Variants in FNDC1 observed in about 807,000 individuals in gnomAD.
FNDC1 encodes the protein fibronectin type III domain-containing protein 1.
Under a neutral mutation model 168.0 loss-of-function variants are expected in FNDC1, and 96 were observed. That is an observed-to-expected ratio of 0.57 (90% CI 0.48 to 0.68). The LOEUF (loss-of-function observed/expected upper bound fraction) is 0.68, where lower values mean the gene tolerates loss of function less well. Among genes scored for constraint, FNDC1 ranks in the 30% least tolerant of loss-of-function variants. The pLI, the probability that FNDC1 is intolerant of heterozygous loss-of-function variation, is 0.00. For synonymous variants in FNDC1, 1,099 were observed against 1,025.9 expected, an observed-to-expected ratio of 1.07 and a Z score of -1.36; for missense variants, 2,587 against 2,482.1, an observed-to-expected ratio of 1.04 and a Z score of -0.90.
At chr6:159,230,120 C>A in intron 10 of FNDC1, 117 bp downstream of exon 10, 3 of 847,628 alleles carry the variant, frequency 3.5e-6, no homozygotes, top group Non-Finnish European at 5.1e-6. Context: ...TTTTTCCAGG[C>A]TAAGTTGCAT....
chr6:159,245,277 A>G (rs117864761), intron 14 of FNDC1, among the ~76,000 whole-genome samples: 1 of 152,314 alleles, frequency 6.6e-6, no homozygotes, highest in East Asian at 1.9e-4. Flanking sequence ...AGAAGTGGGT[A>G]TTTATAAGCT....
chr6:159,229,707 TTA>T (rs1316039782), intron 9 of FNDC1, 106 bp from the exon 10 acceptor site: 3 of 957,884 alleles, frequency 3.1e-6, no homozygotes, highest in Non-Finnish European at 4.6e-6. Context: ...TGCTAGTGTA[TTA>T]ATTTTAGTAA....
At chr6:159,248,678 T>C (rs755427123) in intron 15 of FNDC1, among the ~76,000 whole-genome samples, 2 of 152,230 alleles carry the variant, frequency 1.3e-5, no homozygotes, top group Non-Finnish European at 2.9e-5. Flanking sequence ...GGGAACATTA[T>C]GCAGGTAGAG....
chr6:159,269,595 CTG>C (rs1777697808), intron 22 of FNDC1, among the ~76,000 whole-genome samples: 2 of 79,592 alleles, frequency 2.5e-5, no homozygotes, highest in Non-Finnish European at 4.8e-5. Context: ...GTCTGTCTGT[CTG>C]TCTATCTATC....
chr6:159,240,765 C>G (rs770213655), intron 14 of FNDC1: 1 of 152,194 alleles, frequency 6.6e-6, no homozygotes, highest in African/African-American at 2.4e-5. Context: ...TCTGCTCAGT[C>G]CCCTGCTCAA....
intron 7 of FNDC1, among the ~76,000 whole-genome samples, chr6:159,225,058 G>A (rs1782922143): frequency 6.6e-6 from 1 of 152,088 alleles, no homozygotes; most frequent in Non-Finnish European, 1.5e-5. Context: ...CGTTCCTCCT[G>A]AACCTATGGA....
At chr6:159,199,631 T>A (rs989599136) in intron 2 of FNDC1, among the ~76,000 whole-genome samples, 4 of 152,226 alleles carry the variant, frequency 2.6e-5, no homozygotes, top group Admixed American at 1.3e-4. Context: ...TGACTGACAG[T>A]GTATGTTCAA....
In FNDC1 at chr6:159,233,200, C is replaced by T; in HGVS notation, c.2688C>T (p.Ser896=). The T allele has an allele frequency of 2.5e-6, 4 of 1,612,762 alleles. No individual in the cohort carries two copies. Among genetic ancestry groups the T allele is most frequent in the Non-Finnish European group, 3.4e-6 (4 of 1,179,482 alleles). The change falls in exon 11 of 23, where the codon TCC becomes TCT. Residue 896 remains serine, a synonymous_variant. Transcript: ENST00000297267. This position sits in a 1 kb window ranked among gnomAD's most constrained non-coding sequence, Gnocchi z 4.6. ...PATVVNDHVP[S]SSRQPISRGW... Reference sequence around the variant, plus strand: ...CCGTTGTCAATGACCACGTGCCTTCCTCCTCCAGGCAGCCCATCTCCCGGG... The same window carrying T: ...CCGTTGTCAATGACCACGTGCCTTCTTCCTCCAGGCAGCCCATCTCCCGGG...
At chr6:159,186,850 T>C (rs1782010950) in intron 1 of FNDC1, among the ~76,000 whole-genome samples, 1 of 152,220 alleles carries the variant, frequency 6.6e-6, no homozygotes, top group East Asian at 1.9e-4. Context: ...TTTGGCTTCT[T>C]TGAGATGATG....
At chr6:159,263,323 T>C (rs1295705809) in intron 19 of FNDC1, among the ~76,000 whole-genome samples, 2 of 152,144 alleles carry the variant, frequency 1.3e-5, no homozygotes, top group South Asian at 2.1e-4. Flanking sequence ...ATTTTGCAGG[T>C]TGATTTTGGC....
intron 1 of FNDC1, among the ~76,000 whole-genome samples, chr6:159,189,118 G>A (rs1782074162): frequency 6.6e-6 from 1 of 152,150 alleles, no homozygotes; most frequent in Admixed American, 6.5e-5. Flanking sequence ...ACTATGGATG[G>A]CAAAAACCCA....
chr6:159,217,948 A>C (rs1782739475), intron 5 of FNDC1, among the ~76,000 whole-genome samples: 1 of 152,124 alleles, frequency 6.6e-6, no homozygotes, highest in Non-Finnish European at 1.5e-5. Context: ...TATACCCTTC[A>C]GTCATTCCTT....
chr6:159,206,397 A>C (rs943033730), intron 4 of FNDC1, among the ~76,000 whole-genome samples: 5 of 152,248 alleles, frequency 3.3e-5, no homozygotes, highest in Admixed American at 1.3e-4. Flanking sequence ...ATGGCCTGGA[A>C]GGTGAGCTCC....
In FNDC1 at chr6:159,267,802, A is replaced by G; in HGVS notation, c.5447-2A>G. 6.2e-7 allele frequency: 1 copy of G among 1,613,772 alleles called. No individual in the cohort carries two copies. Among genetic ancestry groups the G allele is most frequent in the East Asian group, 2.2e-5 (1 of 44,870 alleles). On this transcript the variant is annotated splice_acceptor_variant, in intron 21 of 22. Transcript: ENST00000297267. LOFTEE classifies it high-confidence loss of function. ...ATGGACTCAATCAATTCCTTCATGC[A>G]GATACATTCTACAGCATTGGAGACA...
intron 4 of FNDC1, among the ~76,000 whole-genome samples, chr6:159,204,566 A>G (rs1562636165): frequency 1.3e-5 from 2 of 152,132 alleles, no homozygotes; most frequent in Admixed American, 1.3e-4. Context: ...TCCAGGTCCC[A>G]TCATTCCAAC....
chr6:159,256,513 C>G lies in FNDC1; in HGVS notation c.5066-10C>G. Reference sequence around the variant, plus strand: ...GGTGTCCATTGGGTTTTTCCTGTTTCCATTTTCAGGTTACTTGGTTTACAG... The same window carrying G: ...GGTGTCCATTGGGTTTTTCCTGTTTGCATTTTCAGGTTACTTGGTTTACAG... On this transcript the variant is annotated splice_polypyrimidine_tract_variant and intron_variant, in intron 17 of 22. Transcript: ENST00000297267. The G allele has an allele frequency of 1.2e-6, 2 of 1,604,920 alleles. No homozygotes were observed. Among genetic ancestry groups the G allele is most frequent in the Non-Finnish European group, 1.7e-6 (2 of 1,172,728 alleles).
In FNDC1 at chr6:159,251,190, G is replaced by A. The variant is rs200476288; in HGVS notation, c.4835-112G>A. On this transcript the variant is annotated intron_variant, in intron 16 of 22. Coordinates refer to ENST00000297267, the MANE Select transcript of FNDC1 (RefSeq NM_032532.3). ...TGGCATCAAGGCTGATGGAGCCTCCGTCCAGCAGGAAGAGACCGAATGGTG... is the reference window on the plus strand; with the variant it reads ...TGGCATCAAGGCTGATGGAGCCTCCATCCAGCAGGAAGAGACCGAATGGTG... 4.7e-4 allele frequency: 353 copies of A among 758,508 alleles called. 4 individuals are homozygous for A. Among genetic ancestry groups the A allele is most frequent in the East Asian group, 4.6e-3 (172 of 37,210 alleles). The allele number at this position is 758,508 out of a possible 1,614,324, so 47.0% of individuals were successfully genotyped here.
Position 159,233,608 on chromosome 6 carries a change from G to T in FNDC1, c.3096G>T (p.Arg1032Ser). 1 of 1,576,168 alleles carries T rather than the reference G, an allele frequency of 6.3e-7. No individual in the cohort carries two copies. The change falls in exon 11 of 23, where the codon AGG becomes AGT. Residue 1032 changes from arginine to serine, a missense_variant. By Grantham distance (110) the Arg-to-Ser change is moderately radical. Coordinates refer to ENST00000297267, the MANE Select transcript of FNDC1 (RefSeq NM_032532.3). The surrounding 1 kb of genome is among the most constrained non-coding windows in gnomAD (Gnocchi z 4.6). Reference sequence around the variant, plus strand: ...CGGGTCGGTCACCTTCCCAGCCCAGGCTCTCACTGACCCAGGCCGGGCGGC... The same window carrying T: ...CGGGTCGGTCACCTTCCCAGCCCAGTCTCTCACTGACCCAGGCCGGGCGGC... ...RDAGRSPSQP[R>S]LSLTQAGRPR...
At chr6:159,178,148 G>A (rs910051169) in intron 1 of FNDC1, among the ~76,000 whole-genome samples, 1 of 152,118 alleles carries the variant, frequency 6.6e-6, no homozygotes, top group Non-Finnish European at 1.5e-5. Flanking sequence ...CCTGCCAAAG[G>A]CCATGACAAC....
Sources: gnomAD v4.1 joint callset for allele counts (sites outside exome capture counted in the v4.1 genomes callset) on GRCh38, gnomAD v4.1.1 for gene constraint, Gnocchi (gnomAD v3.1) non-coding constraint, MANE v1.5 for transcripts, NCBI Gene and HGNC (gene_info 2026-07-23, HGNC 2026-07-21) for gene names.